The following SBDS variants were observed in gnomAD, a reference collection of about 807,000 sequenced individuals.
SBDS encodes SBDS ribosome maturation factor.
In SBDS, 20 loss-of-function variants were observed where a neutral mutation model predicts 26.4. That is an observed-to-expected ratio of 0.76 (90% confidence interval 0.53 to 1.10). SBDS has a LOEUF of 1.10. Among genes scored for constraint, SBDS ranks in the 50% least tolerant of loss-of-function variants. SBDS has a pLI of 0.00. For synonymous variants in SBDS, 95 were observed against 105.1 expected, an observed-to-expected ratio of 0.90 and a Z score of 0.59; for missense variants, 241 against 302.0, an observed-to-expected ratio of 0.80 and a Z score of 1.50.
chr7:66,995,236 C>T lies in SBDS; in HGVS notation c.128+54G>A. The T allele has an allele frequency of 1.9e-6, 3 of 1,612,148 alleles. No individual in the cohort carries two copies. The East Asian group carries it at 6.7e-5, about 36-fold the overall frequency. On this transcript the variant is annotated intron_variant, in intron 1 of 4. Coordinates refer to ENST00000246868, the MANE Select transcript of SBDS (RefSeq NM_016038.4). ...CTCGACTTGGGCAGAGACAGGCCGC[C>T]TCGGAGGTGACGGCTCAGGCCCAGG...
chr7:66,995,342 G>A lies in SBDS; in HGVS notation c.76C>T (p.Arg26Cys), dbSNP rs781338918. The change falls in exon 1 of 5, where the codon CGC becomes TGC. Residue 26 changes from arginine to cysteine, a missense_variant. Physicochemically the swap from Arg to Cys is radical, Grantham distance 180. Coordinates refer to ENST00000246868, the MANE Select transcript of SBDS (RefSeq NM_016038.4). ...AVVRMKRAGK[R>C]FEIACYKNKV... ...TTTTTGTAGCAGGCGATTTCGAAGC[G>A]CTTCCCGGCACGCTTCATCCGTACC... 4 of 1,614,010 alleles carry A rather than the reference G, an allele frequency of 2.5e-6. No individual in the cohort carries two copies. Among genetic ancestry groups the A allele is most frequent in the African/African-American group, 2.7e-5 (2 of 74,938 alleles).
rs1027988170 is a variant in SBDS at position 66,993,085 on chromosome 7, A to G, written c.459+132T>C. On this transcript the variant is annotated intron_variant, in intron 3 of 4. Transcript: ENST00000246868. Reference sequence around the variant, plus strand: ...TTTCCAGGCCTCAAGCAATCCTCCCATCTTGGCTCCCAAAGTGCTAGGATT... The same window carrying G: ...TTTCCAGGCCTCAAGCAATCCTCCCGTCTTGGCTCCCAAAGTGCTAGGATT... The G allele has an allele frequency of 4.7e-6, 4 of 851,360 alleles. No individual in the cohort carries two copies. The African/African-American group carries it at 5.0e-5, about 11-fold the overall frequency. 52.7% of individuals were successfully genotyped at this position (851,360 alleles called of 1,614,324 possible). A position where few individuals can be genotyped will look rare whatever the true frequency, so the allele number is the denominator to read the frequency against.
At chr7:66,989,547 AAAAT>A (rs76824519) in intron 4 of SBDS, among the ~76,000 whole-genome samples, 131 of 151,684 alleles carry the variant, frequency 8.6e-4, no homozygotes, top group South Asian at 2.1e-3. Flanking sequence ...CCCTGTCTCA[AAAAT>A]AAATAAATAA....
chr7:66,995,518 G>A lies in SBDS; in HGVS notation c.-101C>T, dbSNP rs1007064843. 5.1e-6 allele frequency: 8 copies of A among 1,565,504 alleles called. No homozygotes were observed. The highest frequency in any genetic ancestry group is 4.1e-5 in the African/African-American group (3 of 73,886). On this transcript the variant is annotated 5_prime_UTR_variant, in exon 1 of 5. Coordinates refer to ENST00000246868, the MANE Select transcript of SBDS (RefSeq NM_016038.4). ...TCGCGGTAACGACCGATCGGCGCGC[G>A]GCACTGACCCAACCACCAGTGCGCG...
intron 3 of SBDS, among the ~76,000 whole-genome samples, chr7:66,992,174 A>G (rs148588483): frequency 1.1e-3 from 169 of 152,364 alleles, no homozygotes; most frequent in African/African-American, 3.7e-3. Flanking sequence ...TTATTCCGGC[A>G]TAAAAAAGAA....
At chr7:66,988,958 C>A (rs1365485030) in intron 4 of SBDS, among the ~76,000 whole-genome samples, 1 of 151,574 alleles carries the variant, frequency 6.6e-6, no homozygotes, top group African/African-American at 2.4e-5. Context: ...CAGCCTCCGC[C>A]TCCCAGGTTC....
intron 1 of SBDS, 39 bp from the exon 2 acceptor site, chr7:66,994,380 T>C: frequency 1.3e-6 from 2 of 1,597,250 alleles, no homozygotes; most frequent in Non-Finnish European, 1.7e-6. Context: ...GTGAATATAC[T>C]TGAAACTTGG....
chr7:66,991,891 T>C (rs1368731715), intron 3 of SBDS, among the ~76,000 whole-genome samples: 1 of 152,100 alleles, frequency 6.6e-6, no homozygotes, highest in Non-Finnish European at 1.5e-5. Context: ...AGGATGGCCA[T>C]CATCAAAAAG....
intron 4 of SBDS, among the ~76,000 whole-genome samples, chr7:66,989,615 C>G (rs1362550358): frequency 6.6e-6 from 1 of 152,066 alleles, no homozygotes; most frequent in African/African-American, 2.4e-5. Context: ...GTAGACAGCT[C>G]AATTTACACT....
At chr7:66,994,093 C>G in intron 2 of SBDS, 119 bp downstream of exon 2, 1 of 939,652 alleles carries the variant, frequency 1.1e-6, no homozygotes, top group Non-Finnish European at 1.7e-6. Flanking sequence ...TGACACTGTG[C>G]AGTTCACATT....
chr7:66,987,921 T>A lies in SBDS; in HGVS notation c.*450A>T, dbSNP rs894664785. 7 of 227,824 alleles carry A rather than the reference T, an allele frequency of 3.1e-5. No homozygotes were observed. The highest frequency in any genetic ancestry group is 1.6e-4 in the African/African-American group (7 of 44,176). 14.1% of individuals were successfully genotyped at this position (227,824 alleles called of 1,614,324 possible). ...ATCCAAGCTTTACATTACGATACCA[T>A]AATGACCCTCAGAACACAAGTTCCA... On this transcript the variant is annotated 3_prime_UTR_variant, in exon 5 of 5. Coordinates refer to ENST00000246868, the MANE Select transcript of SBDS (RefSeq NM_016038.4).
intron 4 of SBDS, among the ~76,000 whole-genome samples, chr7:66,990,846 C>T (rs868489747): frequency 6.6e-6 from 1 of 152,018 alleles, no homozygotes; most frequent in African/African-American, 2.4e-5. Flanking sequence ...GAAACTCCGT[C>T]TCTACTAAAA....
At chr7:66,994,451 C>T in intron 1 of SBDS, 110 bp from the exon 2 acceptor site, 6 of 979,542 alleles carry the variant, frequency 6.1e-6, no homozygotes, top group South Asian at 2.6e-5. Flanking sequence ...ACAACAAATC[C>T]CCCTGATGAC....
At chr7:66,993,612 A>G (rs547882212) in intron 2 of SBDS, among the ~76,000 whole-genome samples, 195 bp from the exon 3 acceptor site, 1 of 152,182 alleles carries the variant, frequency 6.6e-6, no homozygotes, top group South Asian at 2.1e-4. Flanking sequence ...AGTGGCTCAC[A>G]TCTGTAATCC....
In SBDS at chr7:66,993,310, A is replaced by G. The variant is rs555367099; in HGVS notation, c.366T>C (p.Pro122=). Residue 122 remains proline, a synonymous_variant, in exon 3 of 5, where the codon CCT becomes CCC. Transcript: ENST00000246868. ...ATIVADKCVN[P]ETKRPYTVIL... is the part of the protein sequence containing the mutation. The stretch of plus-strand genomic sequence containing the variant: ...TCACGGTGTATGGTCTCTTTGTTTC[A>G]GGATTCACACATTTGTCTGCCACAA... 6.2e-7 allele frequency: 1 copy of G among 1,614,104 alleles called. No homozygotes were observed. The highest frequency in any genetic ancestry group is 2.2e-5 in the East Asian group (1 of 44,876).
chr7:66,991,669 C>T (rs1792977172), intron 3 of SBDS, among the ~76,000 whole-genome samples: 1 of 149,554 alleles, frequency 6.7e-6, no homozygotes, highest in Non-Finnish European at 1.5e-5. Context: ...TGTGGTAGTG[C>T]ACGCCTGTAA....
chr7:66,991,022 A>C (rs554008867), intron 4 of SBDS, 115 bp downstream of exon 4: 1 of 1,063,054 alleles, frequency 9.4e-7, no homozygotes, highest in East Asian at 2.6e-5. Flanking sequence ...ATCTCAAAAA[A>C]AAAAAAGAAA....
At position 66,993,367 on chromosome 7, in the gene SBDS, T is replaced by C. The variant is rs749048311; in HGVS notation, c.309A>G (p.Gln103=). ...CAATGTCCCTAAACATCTGCTCCAG[T>C]TGTGTGTGTCTTTCTTTATCTGATA... ...VQVSDKERHT[Q]LEQMFRDIAT... Residue 103 remains glutamine (Q), a synonymous_variant, in exon 3 of 5, where the codon CAA becomes CAG. Transcript: ENST00000246868. 4 of 1,614,140 alleles carry C rather than the reference T, an allele frequency of 2.5e-6. No individual in the cohort carries two copies. The highest frequency in any genetic ancestry group is 2.7e-5 in the African/African-American group (2 of 75,054).
intron 3 of SBDS, 76 bp downstream of exon 3, chr7:66,993,141 A>T (rs1307527377): frequency 7.5e-7 from 1 of 1,331,888 alleles, no homozygotes; most frequent in Non-Finnish European, 1.1e-6. Flanking sequence ...CTGGCCCCAG[A>T]CCCATTATTT....
Sources: allele counts gnomAD v4.1 joint callset (sites outside exome capture counted in the v4.1 genomes callset), GRCh38; gene constraint gnomAD v4.1.1; transcripts MANE v1.5; gene names NCBI Gene and HGNC (gene_info 2026-07-23, HGNC 2026-07-21).